SLC13A3: variants seen among roughly 807,000 people sequenced by gnomAD.
SLC13A3 encodes solute carrier family 13 member 3, also known as Na(+)/dicarboxylate cotransporter 3.
Under a neutral mutation model 59.0 loss-of-function variants are expected in SLC13A3, and 40 were observed. The ratio of observed to expected loss-of-function variants is 0.68; its 90% CI spans 0.53 to 0.88. SLC13A3 has a LOEUF of 0.88. Among genes scored for constraint, SLC13A3 ranks in the 40% least tolerant of loss-of-function variants. The pLI is 0.00. For missense variants in SLC13A3, 699 were observed against 783.2 expected, an observed-to-expected ratio of 0.89 and a Z score of 1.28; for synonymous variants, 317 against 330.3, an observed-to-expected ratio of 0.96 and a Z score of 0.44.
chr20:46,560,127 C>T lies in SLC13A3; in HGVS notation c.1704G>A (p.Gln568=). The change falls in exon 13 of 13, where the codon CAG becomes CAA. Residue 568 remains glutamine (Q), a synonymous_variant. Transcript: ENST00000279027. ...LLSLAMNTWA[Q]TIFQLGTFPD... ...GGAAGGTGCCCAGCTGGAAGATGGT[C>T]TGTGCCCAGGTATTCATAGCCAAAC... 6.2e-7 allele frequency: 1 copy of T among 1,614,058 alleles called. No homozygotes were observed. Among genetic ancestry groups the T allele is most frequent in the Admixed American group, 1.7e-5 (1 of 59,996 alleles).
intron 1 of SLC13A3, among the ~76,000 whole-genome samples, chr20:46,677,054 C>T (rs1600637380): frequency 6.6e-6 from 1 of 152,172 alleles, no homozygotes; most frequent in Non-Finnish European, 1.5e-5. Flanking sequence ...GCTGGGATTA[C>T]AGGCGCCCAC....
At chr20:46,568,603 G>A (rs984379500) in intron 10 of SLC13A3, among the ~76,000 whole-genome samples, 11 of 152,136 alleles carry the variant, frequency 7.2e-5, no homozygotes, top group African/African-American at 2.2e-4. Context: ...CTAGCCTGGG[G>A]AATACGGTAA....
intron 1 of SLC13A3, chr20:46,613,987 C>T: frequency 2.5e-6 from 1 of 395,896 alleles, no homozygotes; most frequent in Non-Finnish European, 4.5e-6. Context: ...TTTTGGTTCA[C>T]CTCATAGGAC....
chr20:46,578,410 T>G lies in SLC13A3; in HGVS notation c.1220-2725A>C, dbSNP rs552039383. ...AAATATACTGGCCGGGCATGGTGGT[T>G]CACGCCTGTAATTCCAGCACTTTGG... On this transcript the variant is annotated intron_variant, in intron 9 of 12. Transcript: ENST00000279027. 4.0e-5 allele frequency among the ~76,000 whole-genome samples: 6 copies of G among 151,682 alleles called. No homozygotes were observed. In the South Asian group the frequency reaches 1.3e-3, roughly 32 times the overall value.
intron 10 of SLC13A3, among the ~76,000 whole-genome samples, chr20:46,568,308 T>C (rs2061998396): frequency 7.3e-6 from 1 of 137,814 alleles, no homozygotes; most frequent in African/African-American, 2.7e-5. Flanking sequence ...TGAGGCAGGA[T>C]AATCACTTAA....
At chr20:46,643,355 C>A (rs950438096) in intron 1 of SLC13A3, among the ~76,000 whole-genome samples, 11 of 152,072 alleles carry the variant, frequency 7.2e-5, no homozygotes, top group African/African-American at 2.7e-4. Context: ...AAGATAGGGG[C>A]AGGGACGGCC....
intron 1 of SLC13A3, among the ~76,000 whole-genome samples, chr20:46,617,514 G>T (rs1275408799): frequency 6.6e-6 from 1 of 152,042 alleles, no homozygotes; most frequent in Non-Finnish European, 1.5e-5. Context: ...ACCTTCCCAG[G>T]CTCTTTCTGC....
At position 46,610,485 on chromosome 20, in the gene SLC13A3, C is replaced by A. The variant is rs778687471; in HGVS notation, c.502G>T (p.Val168Phe). Residue 168 changes from valine (V) to phenylalanine (F), a missense_variant, in exon 3 of 13, where the codon GTT becomes TTT. Coordinates refer to ENST00000279027, the MANE Select transcript of SLC13A3 (RefSeq NM_022829.6). The stretch of plus-strand genomic sequence containing the variant: ...CTCTCCTGGCTGGGGTCCTTTCGAA[C>A]CTCCTTCTGGCCAAAGAGACTTTTC... ...ILKSLFGQKE[V>F]RKDPSQESEE... 3.7e-6 allele frequency: 6 copies of A among 1,614,092 alleles called. No homozygotes were observed. The Admixed American group carries it at 5.0e-5, about 13-fold the overall frequency.
At chr20:46,671,063 C>T (rs1758888815), upstream of SLC13A3, among the ~76,000 whole-genome samples, 1 of 152,158 alleles carries the variant, frequency 6.6e-6, no homozygotes, top group Non-Finnish European at 1.5e-5. Context: ...GAATGCACTG[C>T]CCAGTGCCCC....
Position 46,648,934 on chromosome 20 carries a change from C to T in SLC13A3, c.111+2377G>A, listed in dbSNP as rs1282463883. ...TCTCTCTCACACACACACACACACA[C>T]ACACACATACACACACACACACACA... On this transcript the variant is annotated intron_variant, in intron 1 of 12. Coordinates refer to ENST00000279027, the MANE Select transcript of SLC13A3 (RefSeq NM_022829.6). Among the ~76,000 whole-genome samples, 23 of 144,468 alleles carry T rather than the reference C, an allele frequency of 1.6e-4. No individual in the cohort carries two copies. In the East Asian group the frequency reaches 2.0e-3, roughly 13 times the overall value. The allele number at this position is 144,468 out of a possible 152,430, so 94.8% of individuals were successfully genotyped here. A position where few individuals can be genotyped will look rare whatever the true frequency, so the allele number is the denominator to read the frequency against.
At chr20:46,563,617 A>G in intron 11 of SLC13A3, 66 bp from the exon 12 acceptor site, 1 of 1,272,928 alleles carries the variant, frequency 7.9e-7, no homozygotes, top group South Asian at 1.5e-5. Context: ...AGCAAGAGGG[A>G]GAGAGAGAGA....
chr20:46,680,659 A>T (rs1037225088), intron 1 of SLC13A3, among the ~76,000 whole-genome samples: 2 of 152,254 alleles, frequency 1.3e-5, no homozygotes, highest in African/African-American at 4.8e-5. Context: ...ATCTTGTGAC[A>T]TCTCTGAAGA....
chr20:46,672,199 A>G (rs1323713259), upstream of SLC13A3, among the ~76,000 whole-genome samples: 3 of 152,222 alleles, frequency 2.0e-5, no homozygotes, highest in Non-Finnish European at 4.4e-5. Flanking sequence ...TGCCTGGCAC[A>G]TGAGTGGGAA....
At chr20:46,633,974 G>A (rs1286989741) in intron 1 of SLC13A3, among the ~76,000 whole-genome samples, 3 of 152,214 alleles carry the variant, frequency 2.0e-5, no homozygotes, top group Non-Finnish European at 2.9e-5. Flanking sequence ...GCAAGGGATG[G>A]AGCCACGATC....
intron 8 of SLC13A3, among the ~76,000 whole-genome samples, chr20:46,584,724 A>G (rs561892988): frequency 6.6e-6 from 1 of 152,332 alleles, no homozygotes; most frequent in South Asian, 2.1e-4. Context: ...ATTTGGCAAC[A>G]TGTTTCCAAT....
intron 1 of SLC13A3, among the ~76,000 whole-genome samples, chr20:46,648,763 G>A (rs1280446174): frequency 6.6e-6 from 1 of 151,894 alleles, no homozygotes; most frequent in East Asian, 1.9e-4. Flanking sequence ...AAATTAGCCG[G>A]GTGTGGTGAC....
chr20:46,574,312 G>C (rs547342957), intron 10 of SLC13A3, among the ~76,000 whole-genome samples: 5 of 152,250 alleles, frequency 3.3e-5, no homozygotes, highest in Admixed American at 3.3e-4. Context: ...TAAGAGAGTT[G>C]CTTAATTTTT....
chr20:46,571,246 T>C (rs2062026312), intron 10 of SLC13A3, among the ~76,000 whole-genome samples: 1 of 152,096 alleles, frequency 6.6e-6, no homozygotes, highest in Non-Finnish European at 1.5e-5. Context: ...GAGATTTGGG[T>C]GGGGACACAG....
At chr20:46,653,739 T>C (rs1292825853), upstream of SLC13A3, among the ~76,000 whole-genome samples, 1 of 152,350 alleles carries the variant, frequency 6.6e-6, no homozygotes, top group Non-Finnish European at 1.5e-5. Context: ...TAGCTTTGTG[T>C]CCTTAAGGCT....
Sources: gnomAD v4.1 joint callset for allele counts (sites outside exome capture counted in the v4.1 genomes callset) on GRCh38, gnomAD v4.1.1 for gene constraint, MANE v1.5 for transcripts, NCBI Gene and HGNC (gene_info 2026-07-23, HGNC 2026-07-21) for gene names.